Variants in CNTNAP5 observed in about 807,000 individuals in gnomAD.
CNTNAP5 encodes contactin associated protein family member 5, also known as contactin-associated protein-like 5.
A neutral mutation model predicts 150.2 loss-of-function variants in CNTNAP5; 72 were observed. The ratio of observed to expected loss-of-function variants is 0.48; its 90% CI spans 0.40 to 0.58. The LOEUF (loss-of-function observed/expected upper bound fraction) is 0.58. Among genes scored for constraint, CNTNAP5 ranks in the 20% least tolerant of loss-of-function variants. CNTNAP5 has a pLI of 0.00. For missense variants in CNTNAP5, 1,636 were observed against 1,626.2 expected (o/e 1.01, Z -0.10); for synonymous variants, 672 against 619.8 (o/e 1.08, Z -1.25).
At chr2:124,682,054 T>C (rs947917335) in intron 13 of CNTNAP5, among the ~76,000 whole-genome samples, 16 of 152,184 alleles carry the variant, frequency 1.1e-4, no homozygotes, top group African/African-American at 3.6e-4. Context: ...CAAGACAGCC[T>C]TAGCTTTTAC....
In CNTNAP5 at chr2:124,098,335, G is replaced by C. The variant is rs140192521; in HGVS notation, c.82+72603G>C. 2.9e-3 allele frequency among the ~76,000 whole-genome samples: 434 copies of C among 152,224 alleles called. 1 individual carries two copies. The highest frequency in any genetic ancestry group is 7.1e-3 in the Admixed American group (109 of 15,294). On this transcript the variant is annotated intron_variant, in intron 1 of 23. Coordinates refer to ENST00000682447, the MANE Select transcript of CNTNAP5 (RefSeq NM_001367498.1). The stretch of plus-strand genomic sequence containing the variant: ...TGCTGAGTAGGCTTAGAAGGAAGAG[G>C]GGGGAATTGGTCTTGATATGCAGGG...
In CNTNAP5 at chr2:124,676,379, C is replaced by A. The variant is rs148727187; in HGVS notation, c.2077+28421C>A. Among the ~76,000 whole-genome samples, 313 of 152,336 alleles carry A rather than the reference C, an allele frequency of 2.1e-3. 2 individuals carry two copies. The highest frequency in any genetic ancestry group is 7.0e-3 in the African/African-American group (293 of 41,582). ...CAGGTTTACCAGAAATATGCTGAAG[C>A]TTATCAAAACCCTTATTGTCATACC... On this transcript the variant is annotated intron_variant, in intron 13 of 23. Coordinates refer to ENST00000682447, the MANE Select transcript of CNTNAP5 (RefSeq NM_001367498.1).
chr2:124,534,109 GATAACATGGAC>G (rs2104898118), intron 10 of CNTNAP5, among the ~76,000 whole-genome samples: 1 of 152,270 alleles, frequency 6.6e-6, no homozygotes, highest in Non-Finnish European at 1.5e-5. Flanking sequence ...GTGGGAGCTA[GATAACATGGAC>G]ATACAGACTT....
intron 11 of CNTNAP5, among the ~76,000 whole-genome samples, chr2:124,592,395 A>T (rs1573481209): frequency 7.7e-6 from 1 of 129,792 alleles, no homozygotes; most frequent in Admixed American, 8.2e-5. Context: ...GTGTGTGTGT[A>T]TCAAAATAAA....
At chr2:124,719,197 G>A (rs183576345) in intron 13 of CNTNAP5, among the ~76,000 whole-genome samples, 1 of 152,162 alleles carries the variant, frequency 6.6e-6, no homozygotes, top group Admixed American at 6.5e-5. Context: ...CTATAAAATG[G>A]CATAATAAAA....
intron 22 of CNTNAP5, among the ~76,000 whole-genome samples, chr2:124,909,594 C>A (rs552099881): frequency 6.6e-6 from 1 of 151,668 alleles, no homozygotes; most frequent in African/African-American, 2.4e-5. Flanking sequence ...TACAGGAGAT[C>A]TAATAACTAA....
chr2:124,612,496 T>G (rs1278222915), intron 12 of CNTNAP5, among the ~76,000 whole-genome samples: 1 of 152,110 alleles, frequency 6.6e-6, no homozygotes, highest in Admixed American at 6.6e-5. Flanking sequence ...TACATGAAAC[T>G]CTCTGCCTCA....
intron 13 of CNTNAP5, among the ~76,000 whole-genome samples, chr2:124,685,898 T>G (rs915571709): frequency 1.3e-5 from 2 of 152,078 alleles, no homozygotes; most frequent in Non-Finnish European, 2.9e-5. Flanking sequence ...TTTTTTGCTG[T>G]TTTTTCCCTC....
At chr2:124,600,461 T>C (rs1205611847) in intron 11 of CNTNAP5, among the ~76,000 whole-genome samples, 1 of 18,910 alleles carries the variant, frequency 5.3e-5, no homozygotes, top group Non-Finnish European at 7.0e-3. Flanking sequence ...AGCAATGATG[T>C]GTGTAAATCT....
intron 7 of CNTNAP5, among the ~76,000 whole-genome samples, chr2:124,487,293 GT>G (rs1215638572): frequency 6.6e-6 from 1 of 152,124 alleles, no homozygotes; most frequent in Non-Finnish European, 1.5e-5. Context: ...GATCATTTAA[GT>G]ATAAAAAATA....
intron 10 of CNTNAP5, among the ~76,000 whole-genome samples, chr2:124,545,177 T>A (rs1454787435): frequency 1.3e-5 from 2 of 152,180 alleles, no homozygotes; most frequent in African/African-American, 4.8e-5. Flanking sequence ...GTTTGGTTTC[T>A]AATTTTTTTC....
At chr2:124,498,516 G>C (rs1295226844) in intron 7 of CNTNAP5, among the ~76,000 whole-genome samples, 1 of 152,182 alleles carries the variant, frequency 6.6e-6, no homozygotes, top group African/African-American at 2.4e-5. Flanking sequence ...TGCCGAGGCA[G>C]ATCTCAAATT....
intron 10 of CNTNAP5, among the ~76,000 whole-genome samples, chr2:124,531,863 G>T (rs530477193): frequency 2.0e-5 from 3 of 152,292 alleles, no homozygotes; most frequent in Admixed American, 6.5e-5. Context: ...GTTCATTTGG[G>T]CCGAGCTTGC....
At chr2:124,426,944 TC>T (rs1692252672) in intron 4 of CNTNAP5, among the ~76,000 whole-genome samples, 1 of 152,158 alleles carries the variant, frequency 6.6e-6, no homozygotes, top group African/African-American at 2.4e-5. Context: ...CTGCCTTCAT[TC>T]TAAGGACTCT....
At chr2:124,103,914 C>T (rs1683116329) in intron 1 of CNTNAP5, among the ~76,000 whole-genome samples, 1 of 145,824 alleles carries the variant, frequency 6.9e-6, no homozygotes, top group Non-Finnish European at 1.5e-5. Context: ...ATCTGTATTT[C>T]TATATAGATT....
At chr2:124,510,512 T>TACACAC (rs1248389708) in intron 8 of CNTNAP5, among the ~76,000 whole-genome samples, 9 of 127,628 alleles carry the variant, frequency 7.1e-5, no homozygotes, top group African/African-American at 2.0e-4. Flanking sequence ...TATATATATA[T>TACACAC]ATATATACAT....
intron 21 of CNTNAP5, among the ~76,000 whole-genome samples, chr2:124,887,500 C>G (rs573652093): frequency 2.2e-4 from 33 of 152,114 alleles, no homozygotes; most frequent in Non-Finnish European, 4.4e-4. Context: ...ATCTGAAAAC[C>G]AGGAATCATC....
At chr2:124,125,933 T>C (rs1224607693) in intron 1 of CNTNAP5, among the ~76,000 whole-genome samples, 1 of 152,202 alleles carries the variant, frequency 6.6e-6, no homozygotes, top group East Asian at 1.9e-4. Context: ...GGGAAATTTA[T>C]AGCACTAAAT....
At chr2:124,349,437 G>C (rs1220345059) in intron 3 of CNTNAP5, among the ~76,000 whole-genome samples, 1 of 152,144 alleles carries the variant, frequency 6.6e-6, no homozygotes, top group African/African-American at 2.4e-5. Flanking sequence ...GTATTAGTTT[G>C]AGCTTCTTAT....
Sources: gnomAD v4.1 joint callset for allele counts (sites outside exome capture counted in the v4.1 genomes callset) on GRCh38, gnomAD v4.1.1 for gene constraint, MANE v1.5 for transcripts, NCBI Gene and HGNC (gene_info 2026-07-23, HGNC 2026-07-21) for gene names.